Variants in TMEM132D observed in about 807,000 individuals in gnomAD.
The protein encoded by TMEM132D is transmembrane protein 132D.
TMEM132D carries 21 observed loss-of-function variants against 62.3 expected under a neutral mutation model. The ratio of observed to expected loss-of-function variants is 0.34; its 90% confidence interval spans 0.24 to 0.49. The LOEUF (loss-of-function observed/expected upper bound fraction) is 0.49, where lower values mean the gene tolerates loss of function less well. Among genes scored for constraint, TMEM132D ranks in the 20% least tolerant of loss-of-function variants. The pLI, the probability that TMEM132D is intolerant of heterozygous loss-of-function variation, is 0.99. For synonymous variants in TMEM132D, 621 were observed against 575.6 expected (o/e 1.08, Z -1.13); for missense variants, 1,346 against 1,402.8 (o/e 0.96, Z 0.65).
At chr12:129,267,437 G>T (rs938246237) in intron 4 of TMEM132D, among the ~76,000 whole-genome samples, 1 of 152,100 alleles carries the variant, frequency 6.6e-6, no homozygotes, top group South Asian at 2.1e-4. Context: ...ATTCACAATT[G>T]CTTCAAAGAG....
At chr12:129,672,643 A>G (rs1251592720) in intron 2 of TMEM132D, among the ~76,000 whole-genome samples, 1 of 152,242 alleles carries the variant, frequency 6.6e-6, no homozygotes, top group Admixed American at 6.5e-5. Flanking sequence ...ATGAGATTAC[A>G]CGATTTAAGA....
chr12:129,480,292 T>G (rs1039984977), intron 3 of TMEM132D, among the ~76,000 whole-genome samples: 1 of 152,252 alleles, frequency 6.6e-6, no homozygotes, highest in African/African-American at 2.4e-5. Context: ...GGAGCCATAC[T>G]GTGCAAACCC....
intron 5 of TMEM132D, among the ~76,000 whole-genome samples, chr12:129,202,588 C>T (rs1218110815): frequency 6.6e-6 from 1 of 152,144 alleles, no homozygotes; most frequent in East Asian, 1.9e-4. Context: ...AAGTCTGAAG[C>T]CTGCATCTCA....
At chr12:129,675,381 G>A (rs533914525) in intron 2 of TMEM132D, among the ~76,000 whole-genome samples, 262 of 152,016 alleles carry the variant, frequency 1.7e-3, no homozygotes, top group Non-Finnish European at 3.1e-3. Flanking sequence ...CGGGGGGTGG[G>A]GGGCAAGGGG....
Position 129,417,326 on chromosome 12 carries a change from A to G in TMEM132D, c.1116-79509T>C, listed in dbSNP as rs188401683. Reference sequence around the variant, plus strand: ...ACTACAAGGCTGCAGTAACCAAAACAGGATGATACTGGTACCAAAACAGAT... The same window carrying G: ...ACTACAAGGCTGCAGTAACCAAAACGGGATGATACTGGTACCAAAACAGAT... On this transcript the variant is annotated intron_variant, in intron 3 of 8. Coordinates refer to ENST00000422113, the MANE Select transcript of TMEM132D (RefSeq NM_133448.3). Among the ~76,000 whole-genome samples, 887 of 152,332 alleles carry G rather than the reference A, an allele frequency of 5.8e-3. 7 individuals carry two copies. The highest frequency in any genetic ancestry group is 9.0e-3 in the Non-Finnish European group (615 of 68,020).
chr12:129,833,446 GAAAAAC>G lies in TMEM132D; in HGVS notation c.79+69809_79+69814del, dbSNP rs558747325. Among the ~76,000 whole-genome samples, 907 of 151,846 alleles carry G rather than the reference GAAAAAC, an allele frequency of 6.0e-3. 5 individuals carry two copies. Among genetic ancestry groups the G allele is most frequent in the African/African-American group, 0.02 (813 of 41,412 alleles). Reference sequence around the variant, plus strand: ...TGAAACCCCATCCCTACAAAAAAATGAAAAACAAAAACAAAAACAAAAACAAAAAAC... The same window carrying G: ...TGAAACCCCATCCCTACAAAAAAATGAAAAACAAAAACAAAAACAAAAAAC... On this transcript the variant is annotated intron_variant, in intron 1 of 8. Transcript: ENST00000422113.
intron 5 of TMEM132D, among the ~76,000 whole-genome samples, chr12:129,150,167 G>T (rs1593277443): frequency 1.3e-5 from 2 of 152,186 alleles, no homozygotes; most frequent in East Asian, 3.9e-4. Flanking sequence ...ATCTGGGAAG[G>T]CCTAAGAACA....
rs66630267 is a variant in TMEM132D, at chr12:129,458,398, G to GTT, written c.1115+72659_1115+72660dup. Among the ~76,000 whole-genome samples, 572 of 146,520 alleles carry GTT rather than the reference G, an allele frequency of 3.9e-3. 2 individuals are homozygous for GTT. The highest frequency in any genetic ancestry group is 8.5e-3 in the African/African-American group (338 of 39,966). Reference sequence around the variant, plus strand: ...TTTGCCTATATCAGAGTGGGCAGAGGTTTTTTTTTTTTTGTCTTTTAGATA... The same window carrying GTT: ...TTTGCCTATATCAGAGTGGGCAGAGGTTTTTTTTTTTTTTTGTCTTTTAGATA... On this transcript the variant is annotated intron_variant, in intron 3 of 8. Transcript: ENST00000422113.
At chr12:129,699,163 G>T (rs1457397557) in intron 2 of TMEM132D, among the ~76,000 whole-genome samples, 2 of 152,172 alleles carry the variant, frequency 1.3e-5, no homozygotes, top group African/African-American at 4.8e-5. Flanking sequence ...ATTCCACAGT[G>T]AAAACCAGCC....
chr12:129,262,195 G>A (rs1337725219), intron 4 of TMEM132D: 1 of 152,124 alleles, frequency 6.6e-6, no homozygotes, highest in Non-Finnish European at 1.5e-5. Context: ...AATTTCTTAT[G>A]GTAATACCCT....
At chr12:129,568,848 G>T (rs777138235) in intron 2 of TMEM132D, among the ~76,000 whole-genome samples, 1 of 152,066 alleles carries the variant, frequency 6.6e-6, no homozygotes. Flanking sequence ...TGGAATCACA[G>T]GTCAGGAAGC....
intron 1 of TMEM132D, among the ~76,000 whole-genome samples, chr12:129,803,176 G>A (rs1209492724): frequency 6.6e-6 from 1 of 151,638 alleles, no homozygotes; most frequent in Non-Finnish European, 1.5e-5. Flanking sequence ...ACTCAGCTCT[G>A]CACCAAGCGG....
At chr12:129,254,233 A>G (rs1880343483) in intron 4 of TMEM132D, among the ~76,000 whole-genome samples, 1 of 152,256 alleles carries the variant, frequency 6.6e-6, no homozygotes, top group African/African-American at 2.4e-5. Context: ...CAGAGCAAAG[A>G]AAACATAAAT....
rs2137227250 is a variant in TMEM132D at position 129,700,432 on chromosome 12, G to T, written c.346C>A (p.Pro116Thr). ...VPQDLMLPSN[P>T]FGFTNKFSLN... Reference sequence around the variant, plus strand: ...GAAAATTTGTTGGTGAATCCAAATGGGTTGGAAGGTAGCATTAAATCCTGG... The same window carrying T: ...GAAAATTTGTTGGTGAATCCAAATGTGTTGGAAGGTAGCATTAAATCCTGG... The change falls in exon 2 of 9, where the codon CCA becomes ACA. Residue 116 changes from proline (P) to threonine (T), a missense_variant. Physicochemically the swap from Pro to Thr is conservative, Grantham distance 38. Transcript: ENST00000422113. 6.2e-7 allele frequency: 1 copy of T among 1,614,154 alleles called. No individual in the cohort carries two copies. Among genetic ancestry groups the T allele is most frequent in the South Asian group, 1.1e-5 (1 of 91,084 alleles).
At chr12:129,517,684 T>C (rs541376772) in intron 3 of TMEM132D, among the ~76,000 whole-genome samples, 48 of 152,178 alleles carry the variant, frequency 3.2e-4, no homozygotes, top group Non-Finnish European at 5.4e-4. Flanking sequence ...CCATGCAAAA[T>C]TCAATCCACA....
At chr12:129,451,433 A>G (rs1029624515) in intron 3 of TMEM132D, among the ~76,000 whole-genome samples, 8 of 152,186 alleles carry the variant, frequency 5.3e-5, no homozygotes, top group Admixed American at 2.6e-4. Flanking sequence ...CTGCAGAATG[A>G]GCATTAGTTA....
At chr12:129,488,936 G>A (rs767324549) in intron 3 of TMEM132D, among the ~76,000 whole-genome samples, 15 of 152,162 alleles carry the variant, frequency 9.9e-5, no homozygotes, top group Admixed American at 9.2e-4. Flanking sequence ...TCTCAACCAG[G>A]CCTTGTTTTG....
At chr12:129,741,254 C>T (rs1869595200) in intron 1 of TMEM132D, among the ~76,000 whole-genome samples, 1 of 152,188 alleles carries the variant, frequency 6.6e-6, no homozygotes, top group Non-Finnish European at 1.5e-5. Context: ...CTCAATTTTC[C>T]AGTGGGAAAT....
At chr12:129,653,370 T>C (rs907666266) in intron 2 of TMEM132D, among the ~76,000 whole-genome samples, 1 of 152,160 alleles carries the variant, frequency 6.6e-6, no homozygotes, top group African/African-American at 2.4e-5. Context: ...GGCCGATGGA[T>C]GGTATGGGGC....
Sources: allele counts gnomAD v4.1 joint callset (sites outside exome capture counted in the v4.1 genomes callset), GRCh38; gene constraint gnomAD v4.1.1; transcripts MANE v1.5; gene names NCBI Gene and HGNC (gene_info 2026-07-23, HGNC 2026-07-21).